The following SEPTIN7 variants were observed in gnomAD, a reference collection of about 807,000 sequenced individuals.
SEPTIN7 encodes septin 7.
SEPTIN7 carries 10 observed loss-of-function variants against 63.3 expected under a neutral mutation model. The observed-to-expected ratio is 0.16, with a 90% confidence interval of 0.10 to 0.27. The LOEUF (loss-of-function observed/expected upper bound fraction) is 0.27. SEPTIN7 is among the 10% of genes least tolerant of loss of function. The probability of loss-of-function intolerance (pLI) is 1.00; values close to 1 mark genes in which losing one functional copy is unlikely to be tolerated. For missense variants in SEPTIN7, 310 were observed against 521.0 expected (o/e 0.59, Z 3.94); for synonymous variants, 131 against 165.3 (o/e 0.79, Z 1.59).
intron 12 of SEPTIN7, chr7:35,898,910 T>G (rs959375802): frequency 6.6e-6 from 1 of 152,334 alleles, no homozygotes; most frequent in African/African-American, 2.4e-5. Context: ...GCCTTCTTTA[T>G]TTATAATGTA....
chr7:35,830,903 A>T (rs754308991), intron 1 of SEPTIN7, among the ~76,000 whole-genome samples: 1 of 152,130 alleles, frequency 6.6e-6, no homozygotes, highest in Non-Finnish European at 1.5e-5. Context: ...CTAAATGTCT[A>T]CATTTCTTTA....
chr7:35,834,573 T>A (rs907241982), intron 3 of SEPTIN7, among the ~76,000 whole-genome samples: 3 of 152,132 alleles, frequency 2.0e-5, no homozygotes, highest in African/African-American at 7.2e-5. Context: ...ATCCTTACTT[T>A]CAAGTGTTAA....
At chr7:35,836,385 C>G (rs924487021) in intron 3 of SEPTIN7, among the ~76,000 whole-genome samples, 2 of 152,056 alleles carry the variant, frequency 1.3e-5, no homozygotes, top group Non-Finnish European at 2.9e-5. Flanking sequence ...AGTATTAAAC[C>G]TATTATTCTG....
At chr7:35,904,182 T>G in intron 13 of SEPTIN7, 72 bp from the exon 14 acceptor site, 1 of 1,128,922 alleles carries the variant, frequency 8.9e-7, no homozygotes, top group Non-Finnish European at 1.2e-6. Flanking sequence ...TTGGGTTAGC[T>G]GTTGTTATCA....
chr7:35,802,290 C>T (rs770755838), intron 1 of SEPTIN7: 25 of 353,294 alleles, frequency 7.1e-5, no homozygotes, highest in Admixed American at 3.5e-4. Flanking sequence ...AATAAGCAAC[C>T]GAGATTTTTC....
chr7:35,872,852 C>T lies in SEPTIN7; in HGVS notation c.377+86C>T, dbSNP rs550724876. The T allele has an allele frequency of 1.1e-5, 10 of 897,672 alleles. No homozygotes were observed. The South Asian group carries it at 1.5e-4, about 13-fold the overall frequency. The allele number at this position is 897,672 out of a possible 1,614,324, so 55.6% of individuals were successfully genotyped here. A position where few individuals can be genotyped will look rare whatever the true frequency, so the allele number is the denominator to read the frequency against. On this transcript the variant is annotated intron_variant, in intron 5 of 13. Transcript: ENST00000350320. ...TTTTCTTCTTAACATTTTAAAACTT[C>T]TCATCTTAGCAAAGGTCACCAAACT...
In SEPTIN7 at chr7:35,906,528, T is replaced by G. The variant is rs773348357; in HGVS notation, c.*2235T>G. On this transcript the variant is annotated 3_prime_UTR_variant, in exon 14 of 14. Transcript: ENST00000350320. ...TTGGAGGCATTATGTAATTTAAGTATCCTGTTAGCCACTGTCTTTCTGCTA... is the reference window on the plus strand; with the variant it reads ...TTGGAGGCATTATGTAATTTAAGTAGCCTGTTAGCCACTGTCTTTCTGCTA... 15 of 152,224 alleles carry G rather than the reference T, an allele frequency of 9.9e-5. No individual in the cohort carries two copies. The highest frequency in any genetic ancestry group is 2.2e-4 in the Non-Finnish European group (15 of 68,048). 9.4% of individuals were successfully genotyped at this position (152,224 alleles called of 1,614,324 possible).
intron 8 of SEPTIN7, among the ~76,000 whole-genome samples, chr7:35,883,545 G>A (rs987485046): frequency 1.3e-5 from 2 of 149,044 alleles, no homozygotes; most frequent in African/African-American, 2.5e-5. Flanking sequence ...TTAGCCCCCC[G>A]CTTTTTTTCC....
chr7:35,873,093 A>C (rs1562565745), intron 5 of SEPTIN7, among the ~76,000 whole-genome samples: 1 of 152,154 alleles, frequency 6.6e-6, no homozygotes, highest in South Asian at 2.1e-4. Context: ...TCATTTGTAT[A>C]AATTCTATCT....
At chr7:35,884,285 A>G (rs1441023526) in intron 9 of SEPTIN7, among the ~76,000 whole-genome samples, 1 of 152,216 alleles carries the variant, frequency 6.6e-6, no homozygotes, top group Non-Finnish European at 1.5e-5. Flanking sequence ...CGTTTTGAGC[A>G]CTGACATGCT....
chr7:35,894,396 A>G (rs575205690), intron 11 of SEPTIN7, among the ~76,000 whole-genome samples: 21 of 152,144 alleles, frequency 1.4e-4, no homozygotes, highest in Non-Finnish European at 2.2e-4. Context: ...GTGAATGACT[A>G]AAAATACAAG....
At chr7:35,880,827 A>G (rs1786831090) in intron 7 of SEPTIN7, among the ~76,000 whole-genome samples, 1 of 152,076 alleles carries the variant, frequency 6.6e-6, no homozygotes, top group South Asian at 2.1e-4. Context: ...ACTCACGTCT[A>G]GTTGTCTCAA....
At chr7:35,881,765 T>C (rs1786894197) in intron 7 of SEPTIN7, among the ~76,000 whole-genome samples, 1 of 151,946 alleles carries the variant, frequency 6.6e-6, no homozygotes, top group Non-Finnish European at 1.5e-5. Context: ...TGAAAATTAT[T>C]TGGATGTCTG....
At chr7:35,907,935 A>G (rs1304460393), downstream of SEPTIN7, among the ~76,000 whole-genome samples, 2 of 152,194 alleles carry the variant, frequency 1.3e-5, no homozygotes, top group Non-Finnish European at 2.9e-5. Context: ...GAATGTGACA[A>G]TCTGCTGGGG....
intron 1 of SEPTIN7, among the ~76,000 whole-genome samples, chr7:35,801,865 T>TCC (rs1322366640): frequency 6.6e-6 from 1 of 151,662 alleles, no homozygotes; most frequent in Non-Finnish European, 1.5e-5. Context: ...CAGCCGCAGC[T>TCC]CCAGTCACCG....
chr7:35,839,789 G>T (rs772877447), intron 3 of SEPTIN7, among the ~76,000 whole-genome samples: 1 of 152,130 alleles, frequency 6.6e-6, no homozygotes, highest in Non-Finnish European at 1.5e-5. Context: ...TCCTGACCTT[G>T]TGATCCACTT....
intron 6 of SEPTIN7, among the ~76,000 whole-genome samples, chr7:35,876,020 A>G (rs1299116550): frequency 6.6e-6 from 1 of 152,186 alleles, no homozygotes; most frequent in African/African-American, 2.4e-5. Context: ...CATGTGAACT[A>G]AATGTTTTCT....
chr7:35,898,116 AAG>A (rs1225750392), intron 11 of SEPTIN7, 130 bp from the exon 12 acceptor site: 2 of 587,320 alleles, frequency 3.4e-6, no homozygotes, highest in Non-Finnish European at 2.7e-6. Flanking sequence ...GAAATATGGA[AAG>A]AAGTTCTAGG....
At chr7:35,897,643 A>C (rs1788033026) in intron 11 of SEPTIN7, among the ~76,000 whole-genome samples, 1 of 152,184 alleles carries the variant, frequency 6.6e-6, no homozygotes, top group African/African-American at 2.4e-5. Context: ...TTTAAAACTT[A>C]AGACAGTGAA....
Sources: allele counts gnomAD v4.1 joint callset (sites outside exome capture counted in the v4.1 genomes callset), GRCh38; gene constraint gnomAD v4.1.1; transcripts MANE v1.5; gene names NCBI Gene and HGNC (gene_info 2026-07-23, HGNC 2026-07-21).